MICU2: variants seen among roughly 807,000 people sequenced by gnomAD.
The protein encoded by MICU2 is mitochondrial calcium uptake 2, also known as calcium uptake protein 2, mitochondrial.
Under a neutral mutation model 60.4 loss-of-function variants are expected in MICU2, and 64 were observed. That is an observed-to-expected ratio of 1.06 (90% confidence interval 0.87 to 1.31). MICU2 has a LOEUF of 1.31. Ranked by LOEUF, MICU2 falls within the 50% of genes most tolerant of loss-of-function variation. MICU2 has a pLI of 0.00. For missense variants in MICU2, 569 were observed against 531.0 expected (o/e 1.07, Z -0.70); for synonymous variants, 201 against 175.0 (o/e 1.15, Z -1.17).
intron 10 of MICU2, chr13:21,495,830 G>A (rs55659862): frequency 0.02 from 8,047 of 398,090 alleles, 128 homozygotes; most frequent in Non-Finnish European, 0.025. Context: ...CACCATGCCC[G>A]GCCTTCTTCC....
rs771692870 is a variant in MICU2 at position 21,604,121 on chromosome 13, G to A, written c.28C>T (p.Arg10Trp). ...AGTTTTCCGCCCCAGGCCGCCACCC[G>A]CGCGCAGCTACCCGCAGCCGCCGCC... The part of the protein sequence containing the change: MAAAAGSCA[R>W]VAAWGGKLRR... The change falls in exon 1 of 12, where the codon CGG (arginine) becomes TGG (tryptophan). Residue 10 changes from arginine to tryptophan, a missense_variant. Arg to Trp is a moderately radical substitution (Grantham distance 101). Coordinates refer to ENST00000382374, the MANE Select transcript of MICU2 (RefSeq NM_152726.3). 4 of 1,573,562 alleles carry A rather than the reference G, an allele frequency of 2.5e-6. No homozygotes were observed. Among genetic ancestry groups the A allele is most frequent in the South Asian group, 2.3e-5 (2 of 86,892 alleles).
chr13:21,550,673 T>A (rs1887537565), intron 2 of MICU2, among the ~76,000 whole-genome samples: 1 of 152,224 alleles, frequency 6.6e-6, no homozygotes, highest in Admixed American at 6.5e-5. Flanking sequence ...AGTTGAAGAA[T>A]TCAATTATAA....
chr13:21,494,481 C>G (rs2138124128), intron 11 of MICU2, among the ~76,000 whole-genome samples: 1 of 152,302 alleles, frequency 6.6e-6, no homozygotes, highest in East Asian at 1.9e-4. Context: ...AAATTTACTT[C>G]ATAATCTCAG....
In MICU2 at chr13:21,493,267, A is replaced by C. The variant is rs780716653; in HGVS notation, c.1287T>G (p.Ala429=). 30 of 1,605,926 alleles carry C rather than the reference A, an allele frequency of 1.9e-5. No homozygotes were observed. The highest frequency in any genetic ancestry group is 2.5e-5 in the Non-Finnish European group (29 of 1,176,996). The change falls in exon 12 of 12, where the codon GCT becomes GCG. Residue 429 remains alanine (A), a synonymous_variant. Transcript: ENST00000382374. ...IKGVKEVWKQ[A]GKGLF is the part of the protein sequence containing the mutation. The stretch of plus-strand genomic sequence containing the variant: ...TCTTTTATTAAAAAAGACCTTTTCC[A>C]GCTTGTTTCCAGACTTCTTTTACTC...
At chr13:21,521,136 G>T in intron 6 of MICU2, 109 bp downstream of exon 6, 2 of 874,684 alleles carry the variant, frequency 2.3e-6, no homozygotes, top group Non-Finnish European at 3.6e-6. Context: ...TTTCCTGATA[G>T]TTCATATGTA....
At chr13:21,588,823 A>G (rs1279808210) in intron 1 of MICU2, among the ~76,000 whole-genome samples, 1 of 152,222 alleles carries the variant, frequency 6.6e-6, no homozygotes, top group South Asian at 2.1e-4. Flanking sequence ...AGGTCTGTTT[A>G]GACACAATTA....
chr13:21,558,843 A>T (rs185145135), intron 2 of MICU2, among the ~76,000 whole-genome samples: 1 of 152,110 alleles, frequency 6.6e-6, no homozygotes, highest in South Asian at 2.1e-4. Context: ...GGGAGCTCCC[A>T]CTTCTCAGCT....
rs751656639 is a variant in MICU2, at chr13:21,502,997, G to GT, written c.861dup (p.Leu288ThrfsTer5). On this transcript the variant is annotated frameshift_variant, in exon 9 of 12. Coordinates refer to ENST00000382374, the MANE Select transcript of MICU2 (RefSeq NM_152726.3). LOFTEE classifies it high-confidence loss of function. ...TTATTTTCAGTGTTAGTGAAAAAAA[G>GT]TAGCCACTCTGCAAAGTCTTCTTTT... The GT allele has an allele frequency of 6.2e-7, 1 of 1,609,648 alleles. No homozygotes were observed.
rs202246015 is a variant in MICU2 at position 21,539,629 on chromosome 13, A to T, written c.390+28T>A. On this transcript the variant is annotated intron_variant, in intron 3 of 11. Coordinates refer to ENST00000382374, the MANE Select transcript of MICU2 (RefSeq NM_152726.3). ...TCATTTTCTATCTTACCAAAAACAA[A>T]CCCTGCCCCCCACAACATGATGCTT... The T allele has an allele frequency of 2.3e-4, 371 of 1,613,638 alleles. 1 individual carries two copies. The African/African-American group carries it at 4.5e-3, about 20-fold the overall frequency.
chr13:21,495,817 A>G (rs1885982018), intron 10 of MICU2: 1 of 367,696 alleles, frequency 2.7e-6, no homozygotes, highest in South Asian at 3.5e-5. Flanking sequence ...TACAGGCATG[A>G]GCCACCATGC....
intron 1 of MICU2, among the ~76,000 whole-genome samples, chr13:21,598,653 T>G (rs183922567): frequency 1.6e-4 from 25 of 152,010 alleles, no homozygotes; most frequent in Middle Eastern, 3.4e-3. Context: ...GAGGCGGAGG[T>G]TGCAGTGAGT....
intron 4 of MICU2, chr13:21,531,300 G>C: frequency 2.5e-6 from 4 of 1,573,890 alleles, no homozygotes; most frequent in South Asian, 1.1e-5. Context: ...CACAGAAAAT[G>C]ACTCACCAAC....
At position 21,579,460 on chromosome 13, in the gene MICU2, C is replaced by T. The variant is rs534837697; in HGVS notation, c.211-12516G>A. ...GGTTCAAGAGATTCTCCTGCCTCAG[C>T]CTCCTGAGTAGCTGGGATTACAGGC... is the stretch of plus-strand genomic sequence containing the variant. On this transcript the variant is annotated intron_variant, in intron 1 of 11. Transcript: ENST00000382374. Among the ~76,000 whole-genome samples the T allele has an allele frequency of 7.2e-5, 11 of 151,862 alleles. No individual in the cohort carries two copies. In the South Asian group the frequency reaches 1.0e-3, roughly 14 times the overall value.
At chr13:21,536,004 C>A (rs930932794) in intron 4 of MICU2, among the ~76,000 whole-genome samples, 2 of 152,074 alleles carry the variant, frequency 1.3e-5, no homozygotes, top group Non-Finnish European at 2.9e-5. Context: ...GTTCACTAAC[C>A]ATATACTACA....
chr13:21,522,356 C>A (rs1358574972), intron 5 of MICU2, among the ~76,000 whole-genome samples: 1 of 152,138 alleles, frequency 6.6e-6, no homozygotes, highest in Non-Finnish European at 1.5e-5. Flanking sequence ...GCCTAGACTA[C>A]CACTATGATT....
intron 1 of MICU2, among the ~76,000 whole-genome samples, chr13:21,577,909 T>A (rs993010851): frequency 6.7e-6 from 1 of 149,614 alleles, no homozygotes; most frequent in Non-Finnish European, 1.5e-5. Flanking sequence ...AGCTTACGAG[T>A]TCAAGGTAAC....
At chr13:21,581,202 C>T (rs9580164) in intron 1 of MICU2, among the ~76,000 whole-genome samples, 25,661 of 152,166 alleles carry the variant, frequency 0.17, 2,900 homozygotes, top group Non-Finnish European at 0.26. Context: ...TCTGCAACCT[C>T]CACCTCCTGG....
intron 6 of MICU2, among the ~76,000 whole-genome samples, chr13:21,519,251 T>C (rs1886656989): frequency 6.6e-6 from 1 of 152,050 alleles, no homozygotes; most frequent in Non-Finnish European, 1.5e-5. Context: ...AGAGACGGGG[T>C]TTCTCCATGT....
intron 1 of MICU2, among the ~76,000 whole-genome samples, chr13:21,576,155 TCTTA>T (rs1384415962): frequency 2.6e-5 from 4 of 152,234 alleles, no homozygotes; most frequent in African/African-American, 9.6e-5. Flanking sequence ...CATTTTGATT[TCTTA>T]CTTTTCACAA....
Sources: gnomAD v4.1 joint callset for allele counts (sites outside exome capture counted in the v4.1 genomes callset) on GRCh38, gnomAD v4.1.1 for gene constraint, MANE v1.5 for transcripts, NCBI Gene and HGNC (gene_info 2026-07-23, HGNC 2026-07-21) for gene names.